Variants in NXPH1 observed in about 807,000 individuals in gnomAD.
The protein encoded by NXPH1 is neurexophilin 1.
In NXPH1, 5 loss-of-function variants were observed where a neutral mutation model predicts 23.7. That is an observed-to-expected ratio of 0.21 (90% confidence interval 0.11 to 0.44). The LOEUF (loss-of-function observed/expected upper bound fraction) is 0.44. NXPH1 is among the 20% of genes least tolerant of loss of function. NXPH1 has a pLI of 0.99. For missense variants in NXPH1, 324 were observed against 321.6 expected, an observed-to-expected ratio of 1.01 and a Z score of -0.06; for synonymous variants, 144 against 122.2, an observed-to-expected ratio of 1.18 and a Z score of -1.18.
At chr7:8,529,057 C>A (rs981372238) in intron 2 of NXPH1, among the ~76,000 whole-genome samples, 6 of 152,314 alleles carry the variant, frequency 3.9e-5, no homozygotes, top group Non-Finnish European at 8.8e-5. Flanking sequence ...TCTTGTAGGA[C>A]TCTATTCCCT....
chr7:8,727,964 C>T (rs1780084742), intron 2 of NXPH1, among the ~76,000 whole-genome samples: 2 of 151,418 alleles, frequency 1.3e-5, no homozygotes, highest in Non-Finnish European at 2.9e-5. Context: ...TTCTTCCTAC[C>T]CATGAGCATG....
intron 2 of NXPH1, among the ~76,000 whole-genome samples, chr7:8,504,432 A>G (rs753306524): frequency 9.9e-5 from 15 of 152,044 alleles, no homozygotes; most frequent in Admixed American, 2.0e-4. Context: ...ATAAGACTCA[A>G]TTAGATTTAC....
rs1008556151 is a variant in NXPH1 at position 8,433,685 on chromosome 7, G to C, written c.-1181G>C. On this transcript the variant is annotated 5_prime_UTR_variant, in exon 1 of 3. Coordinates refer to ENST00000405863, the MANE Select transcript of NXPH1 (RefSeq NM_152745.3). The surrounding 1 kb of genome is among the most constrained non-coding windows in gnomAD (Gnocchi z 6.8). ...CCTCCGGCCCGGCAGCCACAGGTCGGAGGCGCCCGGCGTCGGCGCTCGAGG... is the reference window on the plus strand; with the variant it reads ...CCTCCGGCCCGGCAGCCACAGGTCGCAGGCGCCCGGCGTCGGCGCTCGAGG... Among the ~76,000 whole-genome samples the C allele has an allele frequency of 6.6e-6, 1 of 152,158 alleles. No individual in the cohort carries two copies. The highest frequency in any genetic ancestry group is 1.5e-5 in the Non-Finnish European group (1 of 68,010).
At chr7:8,522,743 G>A (rs1817793335) in intron 2 of NXPH1, among the ~76,000 whole-genome samples, 1 of 152,140 alleles carries the variant, frequency 6.6e-6, no homozygotes, top group Admixed American at 6.5e-5. Flanking sequence ...TTCCATAAAT[G>A]CCAAAGCTGG....
intron 2 of NXPH1, among the ~76,000 whole-genome samples, chr7:8,541,525 C>T (rs1331637264): frequency 6.6e-6 from 1 of 151,458 alleles, no homozygotes; most frequent in Non-Finnish European, 1.5e-5. Flanking sequence ...CAACAAGGCA[C>T]ATCATAAACA....
intron 2 of NXPH1, among the ~76,000 whole-genome samples, chr7:8,713,394 T>C (rs1779825846): frequency 6.6e-6 from 1 of 152,224 alleles, no homozygotes; most frequent in Non-Finnish European, 1.5e-5. Context: ...AAAAAAACTC[T>C]TTTGAATTCT....
chr7:8,677,689 C>T (rs1820973904), intron 2 of NXPH1, among the ~76,000 whole-genome samples: 1 of 152,018 alleles, frequency 6.6e-6, no homozygotes, highest in South Asian at 2.1e-4. Context: ...TCCAACTATA[C>T]AAGGCACTAT....
intron 2 of NXPH1, among the ~76,000 whole-genome samples, chr7:8,491,757 G>A (rs1817251544): frequency 6.6e-6 from 1 of 152,066 alleles, no homozygotes; most frequent in African/African-American, 2.4e-5. Context: ...AGCTCATGAT[G>A]AAAGCACTGA....
intron 2 of NXPH1, among the ~76,000 whole-genome samples, chr7:8,441,196 G>A (rs1476339479): frequency 6.6e-6 from 1 of 152,184 alleles, no homozygotes; most frequent in Non-Finnish European, 1.5e-5. Context: ...GCCGAGAGCG[G>A]TTGGGTCAGC....
At chr7:8,695,290 T>C (rs950050522) in intron 2 of NXPH1, among the ~76,000 whole-genome samples, 5 of 152,182 alleles carry the variant, frequency 3.3e-5, no homozygotes, top group African/African-American at 1.2e-4. Flanking sequence ...GTTATCTTCA[T>C]AGCACAGGTG....
intron 2 of NXPH1, among the ~76,000 whole-genome samples, chr7:8,498,639 T>C (rs1817379381): frequency 6.6e-6 from 1 of 152,066 alleles, no homozygotes; most frequent in Non-Finnish European, 1.5e-5. Context: ...TTCAGTTCTA[T>C]TGGGAAATTA....
intron 2 of NXPH1, among the ~76,000 whole-genome samples, chr7:8,469,890 G>T (rs1027132143): frequency 6.6e-6 from 1 of 152,154 alleles, no homozygotes; most frequent in African/African-American, 2.4e-5. Flanking sequence ...CTGAGCTTCA[G>T]TGATACTGGC....
chr7:8,616,708 T>TA (rs969015112), intron 2 of NXPH1, among the ~76,000 whole-genome samples: 3 of 151,342 alleles, frequency 2.0e-5, no homozygotes, highest in South Asian at 2.1e-4. Context: ...CACAGTGAAC[T>TA]AAAAAAAAGT....
At chr7:8,635,170 CTA>C (rs1445512683) in intron 2 of NXPH1, among the ~76,000 whole-genome samples, 2 of 152,108 alleles carry the variant, frequency 1.3e-5, no homozygotes. Flanking sequence ...GAAAAAAATG[CTA>C]TGTCACCGAG....
chr7:8,612,820 A>G (rs1432528445), intron 2 of NXPH1, among the ~76,000 whole-genome samples: 1 of 151,998 alleles, frequency 6.6e-6, no homozygotes. Flanking sequence ...TGTTTTGTCT[A>G]CTTATTGCTA....
intron 2 of NXPH1, among the ~76,000 whole-genome samples, chr7:8,560,381 A>C (rs919906221): frequency 6.6e-6 from 1 of 151,766 alleles, no homozygotes; most frequent in Non-Finnish European, 1.5e-5. Flanking sequence ...TAATTCTAGA[A>C]AAAAGGCAGT....
In NXPH1 at chr7:8,590,796, T is replaced by G. The variant is rs567819253; in HGVS notation, c.54+155029T>G. On this transcript the variant is annotated intron_variant, in intron 2 of 2. Transcript: ENST00000405863. ...AATTAGGATTAGCATATTTATTTAG[T>G]TTTTTTGCTAAATTTTGCTCTTTTA... Among the ~76,000 whole-genome samples, 14 of 135,554 alleles carry G rather than the reference T, an allele frequency of 1.0e-4. No individual in the cohort carries two copies. In the South Asian group the frequency reaches 2.5e-3, roughly 24 times the overall value. The allele number at this position is 135,554 out of a possible 152,430, so 88.9% of individuals were successfully genotyped here.
At chr7:8,523,337 A>G (rs1817804923) in intron 2 of NXPH1, among the ~76,000 whole-genome samples, 1 of 152,230 alleles carries the variant, frequency 6.6e-6, no homozygotes, top group Admixed American at 6.5e-5. Flanking sequence ...TGTATATTGA[A>G]GCTGGGGTCC....
intron 2 of NXPH1, among the ~76,000 whole-genome samples, chr7:8,447,063 A>G (rs1352708243): frequency 2.0e-5 from 3 of 152,198 alleles, no homozygotes; most frequent in African/African-American, 7.2e-5. Context: ...GCTGGGCTAT[A>G]TGAGACCTGT....
Sources: gnomAD v4.1 joint callset for allele counts (sites outside exome capture counted in the v4.1 genomes callset) on GRCh38, gnomAD v4.1.1 for gene constraint, Gnocchi (gnomAD v3.1) non-coding constraint, MANE v1.5 for transcripts, NCBI Gene and HGNC (gene_info 2026-07-23, HGNC 2026-07-21) for gene names.